Variants in NSUN7 observed in about 807,000 individuals in gnomAD.
The protein encoded by NSUN7 is NOP2/Sun RNA methyltransferase family member 7, also known as protein NSUN7.
NSUN7 carries 39 observed loss-of-function variants against 58.5 expected under a neutral mutation model. The observed-to-expected ratio is 0.67, with a 90% CI of 0.52 to 0.87. NSUN7 has a LOEUF of 0.87. NSUN7 is among the 40% of genes least tolerant of loss of function. The pLI is 0.00. For synonymous variants in NSUN7, 278 were observed against 303.7 expected, an observed-to-expected ratio of 0.92 and a Z score of 0.88; for missense variants, 765 against 844.1, an observed-to-expected ratio of 0.91 and a Z score of 1.16.
At chr4:40,758,941 G>C (rs1362545403) in intron 2 of NSUN7, among the ~76,000 whole-genome samples, 2 of 152,126 alleles carry the variant, frequency 1.3e-5, no homozygotes, top group Admixed American at 1.3e-4. Context: ...TTTATACCTT[G>C]GTTATAGTAG....
At chr4:40,792,145 A>G (rs1261644472) in intron 8 of NSUN7, among the ~76,000 whole-genome samples, 1 of 152,218 alleles carries the variant, frequency 6.6e-6, no homozygotes, top group East Asian at 1.9e-4. Flanking sequence ...ACTTTAAGAA[A>G]TAATCAAAGA....
intron 8 of NSUN7, among the ~76,000 whole-genome samples, chr4:40,793,206 C>A (rs1743171826): frequency 6.6e-6 from 1 of 152,148 alleles, no homozygotes; most frequent in African/African-American, 2.4e-5. Flanking sequence ...CTTTGGGAGG[C>A]TGAGGTGGGT....
At chr4:40,759,978 C>A (rs191845541) in intron 2 of NSUN7, among the ~76,000 whole-genome samples, 3 of 152,088 alleles carry the variant, frequency 2.0e-5, no homozygotes, top group Non-Finnish European at 4.4e-5. Flanking sequence ...GCAGACGTTG[C>A]AGTGAGCTGA....
intron 4 of NSUN7, among the ~76,000 whole-genome samples, chr4:40,768,089 C>CT (rs1741822782): frequency 6.6e-6 from 1 of 152,210 alleles, no homozygotes; most frequent in Non-Finnish European, 1.5e-5. Flanking sequence ...GAAGCCAACT[C>CT]TATCTGCCTT....
intron 2 of NSUN7, among the ~76,000 whole-genome samples, chr4:40,757,187 C>A (rs532164114): frequency 2.0e-5 from 3 of 152,132 alleles, no homozygotes; most frequent in Non-Finnish European, 4.4e-5. Context: ...CGAGATTGCA[C>A]CACTGCACTC....
At chr4:40,794,541 A>G in intron 9 of NSUN7, 65 bp downstream of exon 9, 1 of 964,280 alleles carries the variant, frequency 1.0e-6, no homozygotes, top group South Asian at 1.4e-5. Flanking sequence ...TTAGTCTTTC[A>G]CGATCTATTA....
chr4:40,777,328 T>A (rs10020781), intron 7 of NSUN7, among the ~76,000 whole-genome samples: 20,128 of 152,080 alleles, frequency 0.13, 1,500 homozygotes, highest in Middle Eastern at 0.16. Context: ...TTTCATTTTT[T>A]TAAATTTTTT....
chr4:40,800,049 A>T (rs772049284), intron 10 of NSUN7, among the ~76,000 whole-genome samples: 47 of 152,180 alleles, frequency 3.1e-4, no homozygotes, highest in Admixed American at 4.6e-4. Flanking sequence ...CCACCACCAT[A>T]GAATGTGCAT....
Position 40,807,114 on chromosome 4 carries a change from CT to C in NSUN7, c.1455del (p.Asp486IlefsTer20). 6.4e-7 allele frequency: 1 copy of C among 1,551,308 alleles called. No individual in the cohort carries two copies. Among genetic ancestry groups the C allele is most frequent in the African/African-American group, 1.4e-5 (1 of 73,138 alleles). On this transcript the variant is annotated frameshift_variant, in exon 11 of 12. Transcript: ENST00000381782. LOFTEE classifies it high-confidence loss of function. ...TCCTTAAAGGAAATTCAATTGTCTA[CT>C]GATAAATTTTTCAGAATGGAACCAT... ...LCSLKEIQLS[T>X]DKFFRMEPSE...
At chr4:40,770,921 T>G (rs543695113) in intron 4 of NSUN7, among the ~76,000 whole-genome samples, 2 of 151,936 alleles carry the variant, frequency 1.3e-5, no homozygotes, top group African/African-American at 4.8e-5. Context: ...TGTGGTGGTG[T>G]GCACCTGTAG....
intron 4 of NSUN7, among the ~76,000 whole-genome samples, chr4:40,769,680 T>C (rs987859367): frequency 1.3e-4 from 20 of 152,212 alleles, no homozygotes; most frequent in African/African-American, 4.8e-4. Flanking sequence ...AGATATATTC[T>C]TTTTCTTATC....
chr4:40,774,217 A>G (rs777371645), intron 4 of NSUN7, 48 bp from the exon 5 acceptor site: 29 of 1,505,786 alleles, frequency 1.9e-5, no homozygotes, highest in Middle Eastern at 1.7e-4. Flanking sequence ...GAAAATTGAT[A>G]GTCTTGTCTC....
At chr4:40,804,761 G>T (rs1267517153) in intron 10 of NSUN7, among the ~76,000 whole-genome samples, 1 of 152,036 alleles carries the variant, frequency 6.6e-6, no homozygotes, top group Non-Finnish European at 1.5e-5. Flanking sequence ...ACTCATTATG[G>T]TCATCAGTAT....
chr4:40,761,792 A>G (rs1250854390), intron 4 of NSUN7, among the ~76,000 whole-genome samples: 1 of 152,240 alleles, frequency 6.6e-6, no homozygotes, highest in Non-Finnish European at 1.5e-5. Context: ...GAAGTCTACC[A>G]TGAGAATAAG....
intron 4 of NSUN7, among the ~76,000 whole-genome samples, chr4:40,768,756 A>C (rs558540939): frequency 6.6e-6 from 1 of 152,284 alleles, no homozygotes; most frequent in Admixed American, 6.5e-5. Flanking sequence ...TTTGTATAAA[A>C]TGTAACTGTC....
At chr4:40,777,951 G>A (rs2465568) in intron 7 of NSUN7, among the ~76,000 whole-genome samples, 45,948 of 152,028 alleles carry the variant, frequency 0.3, 7,284 homozygotes, top group Non-Finnish European at 0.34. Flanking sequence ...GGGACTAAAT[G>A]TCAAATTTTA....
intron 9 of NSUN7, 49 bp downstream of exon 9, chr4:40,794,525 G>A: frequency 9.1e-7 from 1 of 1,097,488 alleles, no homozygotes; most frequent in Non-Finnish European, 1.4e-6. Context: ...GTACATTTTA[G>A]AAATATTAGT....
chr4:40,777,421 C>T (rs1486805152), intron 7 of NSUN7, among the ~76,000 whole-genome samples: 5 of 152,026 alleles, frequency 3.3e-5, no homozygotes, highest in African/African-American at 1.2e-4. Flanking sequence ...GCAACCTCTG[C>T]CCCCCGGGTT....
chr4:40,787,057 G>T (rs1028520699), intron 7 of NSUN7, among the ~76,000 whole-genome samples: 1 of 147,862 alleles, frequency 6.8e-6, no homozygotes, highest in Admixed American at 6.7e-5. Flanking sequence ...AAGAAAAATA[G>T]CATCAAATAA....
Sources: allele counts gnomAD v4.1 joint callset (sites outside exome capture counted in the v4.1 genomes callset), GRCh38; gene constraint gnomAD v4.1.1; transcripts MANE v1.5; gene names NCBI Gene and HGNC (gene_info 2026-07-23, HGNC 2026-07-21).